B4GALNT4: variants seen among roughly 807,000 people sequenced by gnomAD.
B4GALNT4 encodes the protein N-acetyl-beta-glucosaminyl-glycoprotein 4-beta-N-acetylgalactosaminyltransferase 1.
B4GALNT4 carries 77 observed loss-of-function variants against 110.0 expected under a neutral mutation model. The ratio of observed to expected loss-of-function variants is 0.70; its 90% CI spans 0.58 to 0.85. The LOEUF (loss-of-function observed/expected upper bound fraction) is 0.85, where lower values mean the gene tolerates loss of function less well. Ranked by LOEUF, B4GALNT4 falls within the 40% of genes least tolerant of loss-of-function variation. The probability of loss-of-function intolerance (pLI) is 0.00; values close to 1 mark genes in which losing one functional copy is unlikely to be tolerated. For missense variants in B4GALNT4, 1,575 were observed against 1,506.0 expected, an observed-to-expected ratio of 1.05 and a Z score of -0.76; for synonymous variants, 785 against 655.5, an observed-to-expected ratio of 1.20 and a Z score of -3.02.
intron 8 of B4GALNT4, among the ~76,000 whole-genome samples, chr11:374,190 C>T (rs1340498901): frequency 6.6e-6 from 1 of 152,054 alleles, no homozygotes; most frequent in Non-Finnish European, 1.5e-5. Flanking sequence ...CAGGCGGGGC[C>T]TGAGCAGCAC....
rs372138400 is a variant in B4GALNT4, at chr11:378,928, G to C, written c.2205-490G>C. Reference sequence around the variant, plus strand: ...ACTGGGGCAAACATCCCAGGCAGGGGACTCCTCAGGACAAAGGAGAGGAGA... The same window carrying C: ...ACTGGGGCAAACATCCCAGGCAGGGCACTCCTCAGGACAAAGGAGAGGAGA... On this transcript the variant is annotated intron_variant, in intron 14 of 19. Transcript: ENST00000329962. Among the ~76,000 whole-genome samples, 3 of 152,134 alleles carry C rather than the reference G, an allele frequency of 2.0e-5. 1 individual carries two copies. Among genetic ancestry groups the C allele is most frequent in the East Asian group, 3.9e-4 (2 of 5,190 alleles).
rs1377830220 is a variant in B4GALNT4 at position 381,833 on chromosome 11, C to T, written c.*41C>T. The T allele has an allele frequency of 3.9e-6, 6 of 1,535,302 alleles. No homozygotes were observed. Among genetic ancestry groups the T allele is most frequent in the Non-Finnish European group, 4.4e-6 (5 of 1,145,558 alleles). On this transcript the variant is annotated 3_prime_UTR_variant, in exon 20 of 20. Coordinates refer to ENST00000329962, the MANE Select transcript of B4GALNT4 (RefSeq NM_178537.5). The stretch of plus-strand genomic sequence containing the variant: ...CCCAGCCCCGGTGGGAGTCCCGAGG[C>T]AGCTGCTGGGGGCTGGGCTTTGAGC...
chr11:380,870 C>T lies in B4GALNT4; in HGVS notation c.2915C>T (p.Ser972Leu), dbSNP rs752649006. The change falls in exon 19 of 20, where the codon TCG becomes TTG. Residue 972 changes from serine (S) to leucine (L), a missense_variant. Transcript: ENST00000329962. ...TTTGGCCTTTTTGGGATCTACAAGTCGGACTTTGACCGGGTTGGAGGAATG... is the reference window on the plus strand; with the variant it reads ...TTTGGCCTTTTTGGGATCTACAAGTTGGACTTTGACCGGGTTGGAGGAATG... ...NGFGLFGIYKSDFDRVGGMNT... is the reference protein window; with the variant it reads ...NGFGLFGIYKLDFDRVGGMNT... The T allele has an allele frequency of 2.5e-6, 4 of 1,613,678 alleles. No homozygotes were observed. The Admixed American group carries it at 5.0e-5, about 20-fold the overall frequency.
At chr11:377,351 C>A in intron 14 of B4GALNT4, 24 bp downstream of exon 14, 1 of 1,477,814 alleles carries the variant, frequency 6.8e-7, no homozygotes, top group Non-Finnish European at 8.9e-7. Context: ...CGAACGCGCG[C>A]CAGGGCGGTT....
Position 376,939 on chromosome 11 carries a change from A to G in B4GALNT4, c.1816A>G (p.Thr606Ala). 1 of 1,431,210 alleles carries G rather than the reference A, an allele frequency of 7.0e-7. No homozygotes were observed. The highest frequency in any genetic ancestry group is 9.1e-7 in the Non-Finnish European group (1 of 1,097,354). 88.7% of individuals were successfully genotyped at this position (1,431,210 alleles called of 1,614,324 possible). A position where few individuals can be genotyped will look rare whatever the true frequency, so the allele number is the denominator to read the frequency against. ...AGGGGGCCGGGAGGGCCAGGCGCGC[A>G]CGCTGGGACCTGCGGCGCCCACAGT... is the stretch of plus-strand genomic sequence containing the variant. ...TQGGREGQAR[T>A]LGPAAPTVDS... The change falls in exon 14 of 20, where the codon ACG becomes GCG. Residue 606 changes from threonine to alanine, a missense_variant. Physicochemically the swap from Thr to Ala is moderately conservative, Grantham distance 58 (BLOSUM62 0). Coordinates refer to ENST00000329962, the MANE Select transcript of B4GALNT4 (RefSeq NM_178537.5).
chr11:372,701 G>A lies in B4GALNT4; in HGVS notation c.295G>A (p.Ala99Thr), dbSNP rs182805582. Residue 99 changes from alanine to threonine, a missense_variant, in exon 3 of 20, where the codon GCT becomes ACT. Ala to Thr is a moderately conservative substitution (Grantham distance 58). Transcript: ENST00000329962. ...CCTAGACATGCTGTTTCCTGGGGGG[G>A]CTGGGAGGCTGCCACTGAACTTCAC... Reference protein sequence around the residue: ...RDLDMLFPGGAGRLPLNFTHQ... With the variant: ...RDLDMLFPGGTGRLPLNFTHQ... 8.1e-5 allele frequency: 131 copies of A among 1,611,548 alleles called. No homozygotes were observed. The East Asian group carries it at 2.4e-3, about 29-fold the overall frequency.
rs1182890681 is a variant in B4GALNT4 at position 375,888 on chromosome 11, C to T, written c.1027C>T (p.Pro343Ser). 1.9e-6 allele frequency: 3 copies of T among 1,611,702 alleles called. No homozygotes were observed. The Admixed American group carries it at 5.0e-5, about 27-fold the overall frequency. The change falls in exon 11 of 20, where the codon CCC (proline) becomes TCC (serine). Residue 343 changes from proline to serine, a missense_variant. Transcript: ENST00000329962. ...ESSSLENVLE[P>S]CAYAPTYVVK... ...TTCGAGCCTGGAGAACGTGCTGGAG[C>T]CCTGCGCCTACGCCCCCACCTACGT...
At chr11:380,753 T>C in intron 18 of B4GALNT4, 72 bp from the exon 19 acceptor site, 1 of 1,598,900 alleles carries the variant, frequency 6.3e-7, no homozygotes, top group Non-Finnish European at 8.5e-7. Context: ...CGAGGTCTCC[T>C]AGCGGCGCTT....
chr11:374,585 T>G (rs1590336985), intron 8 of B4GALNT4, among the ~76,000 whole-genome samples: 2 of 67,812 alleles, frequency 2.9e-5, no homozygotes, highest in Non-Finnish European at 6.0e-5. Context: ...TTGGTGGGGG[T>G]AGAGTGGGGG....
chr11:381,358 C>T, intron 19 of B4GALNT4, among the ~76,000 whole-genome samples: 1 of 128,854 alleles, frequency 7.8e-6, no homozygotes, highest in South Asian at 2.8e-4. Flanking sequence ...GGGTCCTGAC[C>T]ACCTCTCCGC....
In B4GALNT4 at chr11:376,430, A is replaced by T; in HGVS notation, c.1307A>T (p.Asp436Val). Reference protein sequence around the residue: ...FLFLNPDDFLDDEDEGELLDS... With the variant: ...FLFLNPDDFLVDEDEGELLDS... ...CCCGCGTTTCCCGCAGACTTCCTGG[A>T]CGACGAGGACGAGGGGGAGCTGCTC... The change falls in exon 14 of 20, where the codon GAC becomes GTC. Residue 436 changes from aspartate to valine, a missense_variant. By Grantham distance (152) the Asp-to-Val change is radical. Transcript: ENST00000329962. 6.3e-7 allele frequency: 1 copy of T among 1,597,640 alleles called. No individual in the cohort carries two copies. The highest frequency in any genetic ancestry group is 1.3e-5 in the African/African-American group (1 of 74,900).
intron 5 of B4GALNT4, 29 bp from the exon 6 acceptor site, chr11:373,162 A>AC: frequency 1.2e-6 from 2 of 1,611,446 alleles, no homozygotes; most frequent in Non-Finnish European, 1.7e-6. Flanking sequence ...GTGAGGCTCC[A>AC]CCCCCCTGAG....
In B4GALNT4 at chr11:379,930, C is replaced by T. The variant is rs747492984; in HGVS notation, c.2553C>T (p.Thr851=). Residue 851 remains threonine, a synonymous_variant, in exon 16 of 20, where the codon ACC becomes ACT. Coordinates refer to ENST00000329962, the MANE Select transcript of B4GALNT4 (RefSeq NM_178537.5). The part of the protein sequence containing the change: ...LADMAALHAR[T]GDSRFSVVLV... ...ACATGGCTGCGCTGCACGCGCGCACCGGGGACTCGCGTTTCAGCGTCGTCC... is the reference window on the plus strand; with the variant it reads ...ACATGGCTGCGCTGCACGCGCGCACTGGGGACTCGCGTTTCAGCGTCGTCC... 21 of 1,611,364 alleles carry T rather than the reference C, an allele frequency of 1.3e-5. No homozygotes were observed. The highest frequency in any genetic ancestry group is 1.7e-5 in the Non-Finnish European group (20 of 1,179,828).
intron 8 of B4GALNT4, 102 bp downstream of exon 8, chr11:373,930 A>G: frequency 1.6e-6 from 2 of 1,217,954 alleles, no homozygotes; most frequent in Non-Finnish European, 2.3e-6. Context: ...GACAAAGCAG[A>G]TGGTCAGGGC....
intron 2 of B4GALNT4, 25 bp downstream of exon 2, chr11:372,237 C>A: frequency 6.5e-7 from 1 of 1,542,866 alleles, no homozygotes; most frequent in Non-Finnish European, 8.8e-7. Flanking sequence ...GGGGAGAACA[C>A]GTGTGCACGG....
Position 382,038 on chromosome 11 carries a change from C to A in B4GALNT4, c.*246C>A. 1 of 391,902 alleles carries A rather than the reference C, an allele frequency of 2.6e-6. No homozygotes were observed. The highest frequency in any genetic ancestry group is 4.5e-6 in the Non-Finnish European group (1 of 220,256). The allele number at this position is 391,902 out of a possible 1,614,324, so 24.3% of individuals were successfully genotyped here. A position where few individuals can be genotyped will look rare whatever the true frequency, so the allele number is the denominator to read the frequency against. Reference sequence around the variant, plus strand: ...CTGTGAAATTTTGCTGTAGCGATGACATTGTTTTCAGAATTTCCAAGAGTT... The same window carrying A: ...CTGTGAAATTTTGCTGTAGCGATGAAATTGTTTTCAGAATTTCCAAGAGTT... On this transcript the variant is annotated 3_prime_UTR_variant, in exon 20 of 20. Transcript: ENST00000329962.
Position 381,378 on chromosome 11 carries a change from C to T in B4GALNT4, c.2997-291C>T, listed in dbSNP as rs1258570520. ...CTGACCACCTCTCCGCCCCCGGCCCCGGGTTCCTGACCACCTCTCCGCCCC... is the reference window on the plus strand; with the variant it reads ...CTGACCACCTCTCCGCCCCCGGCCCTGGGTTCCTGACCACCTCTCCGCCCC... On this transcript the variant is annotated intron_variant, in intron 19 of 19. Transcript: ENST00000329962. 2.5e-4 allele frequency among the ~76,000 whole-genome samples: 23 copies of T among 90,372 alleles called. 1 individual carries two copies. Among genetic ancestry groups the T allele is most frequent in the Admixed American group, 1.4e-3 (13 of 9,188 alleles). The allele number at this position is 90,372 out of a possible 152,430, so 59.3% of individuals were successfully genotyped here.
chr11:376,915 G>T lies in B4GALNT4; in HGVS notation c.1792G>T (p.Gly598Trp). ...CCCAGCCCGGGCGCAGGCCACCCAAGGGGGCCGGGAGGGCCAGGCGCGCAC... is the reference window on the plus strand; with the variant it reads ...CCCAGCCCGGGCGCAGGCCACCCAATGGGGCCGGGAGGGCCAGGCGCGCAC... ...RPPARAQATQ[G>W]GREGQARTLG... The change falls in exon 14 of 20, where the codon GGG becomes TGG. Residue 598 changes from glycine to tryptophan, a missense_variant. Physicochemically the swap from Gly to Trp is radical, Grantham distance 184 (BLOSUM62 -2). Transcript: ENST00000329962. The T allele has an allele frequency of 1.4e-6, 2 of 1,381,104 alleles. No homozygotes were observed. The highest frequency in any genetic ancestry group is 1.9e-6 in the Non-Finnish European group (2 of 1,069,694). The allele number at this position is 1,381,104 out of a possible 1,614,324, so 85.6% of individuals were successfully genotyped here.
rs1395246917 is a variant in B4GALNT4 at position 375,895 on chromosome 11, C to T, written c.1034C>T (p.Ala345Val). ...CTGGAGAACGTGCTGGAGCCCTGCG[C>T]CTACGCCCCCACCTACGTGGTCAAG... The part of the protein sequence containing the change: ...SSLENVLEPC[A>V]YAPTYVVKDF... The change falls in exon 11 of 20, where the codon GCC becomes GTC. Residue 345 changes from alanine (A) to valine (V), a missense_variant. Ala to Val is a moderately conservative substitution (Grantham distance 64). Coordinates refer to ENST00000329962, the MANE Select transcript of B4GALNT4 (RefSeq NM_178537.5). 4 of 1,611,968 alleles carry T rather than the reference C, an allele frequency of 2.5e-6. No individual in the cohort carries two copies. Among genetic ancestry groups the T allele is most frequent in the African/African-American group, 1.3e-5 (1 of 74,974 alleles).
Sources: gnomAD v4.1 joint callset for allele counts (sites outside exome capture counted in the v4.1 genomes callset) on GRCh38, gnomAD v4.1.1 for gene constraint, MANE v1.5 for transcripts, NCBI Gene and HGNC (gene_info 2026-07-23, HGNC 2026-07-21) for gene names.